The following AMZ1 variants were observed in gnomAD, a reference collection of about 807,000 sequenced individuals.
AMZ1 encodes the protein archaelysin family metallopeptidase 1, also known as archaemetzincin-1.
Under a neutral mutation model 29.9 loss-of-function variants are expected in AMZ1, and 39 were observed. The observed-to-expected ratio is 1.30, with a 90% CI of 1.01 to 1.70. The LOEUF (loss-of-function observed/expected upper bound fraction) is 1.70, where lower values mean the gene tolerates loss of function less well. Ranked by LOEUF, AMZ1 falls within the 40% of genes most tolerant of loss-of-function variation. AMZ1 has a pLI of 0.00. For missense variants in AMZ1, 1,041 were observed against 680.6 expected (o/e 1.53, Z -5.89); for synonymous variants, 458 against 304.0 (o/e 1.51, Z -5.27).
Position 2,743,609 on chromosome 7 carries a change from G to A in AMZ1, n.551-21103G>A, listed in dbSNP as rs150375507. 9.4e-3 allele frequency among the ~76,000 whole-genome samples: 1,427 copies of A among 152,308 alleles called. 13 individuals are homozygous for A. Among genetic ancestry groups the A allele is most frequent in the Middle Eastern group, 0.071 (21 of 294 alleles). Reference sequence around the variant, plus strand: ...CTCCGGTCTACAGCTCCCAGCGTGAGCAATGCAGAAGACGGGTGATTTCTG... The same window carrying A: ...CTCCGGTCTACAGCTCCCAGCGTGAACAATGCAGAAGACGGGTGATTTCTG... On this transcript the variant is annotated intron_variant and non_coding_transcript_variant, in intron 4 of 4. Coordinates refer to the AMZ1 transcript ENST00000489665.
intron 4 of AMZ1, among the ~76,000 whole-genome samples, chr7:2,724,926 C>T (rs1284411973): frequency 6.6e-6 from 1 of 152,228 alleles, no homozygotes; most frequent in Admixed American, 6.5e-5. Context: ...TCCGCCAGGA[C>T]AGAGAAGCCG....
chr7:2,736,995 G>A (rs1790215361), intron 4 of AMZ1, among the ~76,000 whole-genome samples: 2 of 152,304 alleles, frequency 1.3e-5, no homozygotes, highest in South Asian at 4.1e-4. Flanking sequence ...GCTCCTAATT[G>A]GAGCCTTTCT....
chr7:2,738,559 G>A (rs1044710885), intron 4 of AMZ1, among the ~76,000 whole-genome samples: 1 of 152,026 alleles, frequency 6.6e-6, no homozygotes, highest in Non-Finnish European at 1.5e-5. Flanking sequence ...CCCATATTCT[G>A]CTTGCTTATA....
At position 2,700,771 on chromosome 7, in the gene AMZ1, A is replaced by G. The variant is rs1283537438; in HGVS notation, c.304+16A>G. On this transcript the variant is annotated intron_variant, in intron 2 of 6. Transcript: ENST00000683327. ...CAGCCGATAGGTACGGGACGCCTGCAGCCATCGGCACGCTCCTGGGGGACC... is the reference window on the plus strand; with the variant it reads ...CAGCCGATAGGTACGGGACGCCTGCGGCCATCGGCACGCTCCTGGGGGACC... The G allele has an allele frequency of 1.1e-5, 18 of 1,607,384 alleles. No homozygotes were observed. Among genetic ancestry groups the G allele is most frequent in the Non-Finnish European group, 1.5e-5 (18 of 1,176,830 alleles).
chr7:2,680,736 C>G (rs1007456959), intron 1 of AMZ1, among the ~76,000 whole-genome samples: 10 of 152,380 alleles, frequency 6.6e-5, no homozygotes, highest in Admixed American at 6.5e-4. Flanking sequence ...TGGGGCCCCT[C>G]ACGTGCCTCA....
chr7:2,686,133 G>T (rs868333961), upstream of AMZ1, among the ~76,000 whole-genome samples: 5 of 152,224 alleles, frequency 3.3e-5, no homozygotes, highest in African/African-American at 1.2e-4. Context: ...TCCATGACAC[G>T]GAGTCCAGCG....
chr7:2,711,331 A>C (rs765033040), intron 6 of AMZ1, among the ~76,000 whole-genome samples: 1 of 152,204 alleles, frequency 6.6e-6, no homozygotes, highest in African/African-American at 2.4e-5. Flanking sequence ...ACTGACAGCA[A>C]TCAGTGAAAT....
intron 3 of AMZ1, among the ~76,000 whole-genome samples, chr7:2,704,588 CTTTTT>C (rs60811216): frequency 0.025 from 2,069 of 83,760 alleles, 108 homozygotes; most frequent in African/African-American, 0.15. Flanking sequence ...CAGTGTCACG[CTTTTT>C]TTTTTTTTTT....
intron 1 of AMZ1, among the ~76,000 whole-genome samples, chr7:2,681,406 C>T (rs563424598): frequency 6.6e-6 from 1 of 152,246 alleles, no homozygotes; most frequent in African/African-American, 2.4e-5. Context: ...CAGGTGCATG[C>T]CACCACGCCC....
At chr7:2,725,919 G>GCTGCAGTCCCCCCA (rs1240953638) in intron 4 of AMZ1, among the ~76,000 whole-genome samples, 1 of 134,620 alleles carries the variant, frequency 7.4e-6, no homozygotes, top group East Asian at 2.0e-4. Context: ...CAGCCCGCCC[G>GCTGCAGTCCCCCCA]CTGCAGTCCC....
At chr7:2,709,891 C>A in intron 6 of AMZ1, 75 bp downstream of exon 6, 2 of 1,567,324 alleles carry the variant, frequency 1.3e-6, no homozygotes, top group Non-Finnish European at 1.7e-6. Context: ...CTGGAGGCTA[C>A]GCAGGGCATG....
intron 6 of AMZ1, among the ~76,000 whole-genome samples, chr7:2,710,531 C>A (rs759712550): frequency 6.6e-6 from 1 of 152,198 alleles, no homozygotes; most frequent in Admixed American, 6.5e-5. Context: ...GTTCCCGGAC[C>A]GAGCCTGTCA....
intron 1 of AMZ1, among the ~76,000 whole-genome samples, chr7:2,690,362 G>C (rs1787315508): frequency 1.3e-5 from 2 of 152,172 alleles, no homozygotes; most frequent in Admixed American, 6.5e-5. Context: ...GGGACCACAG[G>C]CATGCACAAC....
intron 4 of AMZ1, chr7:2,728,922 G>C (rs1008123341): frequency 6.6e-6 from 1 of 152,426 alleles, no homozygotes; most frequent in Admixed American, 6.5e-5. Flanking sequence ...AGCGGGTCAA[G>C]AGCCCGCGCC....
At position 2,680,588 on chromosome 7, in the gene AMZ1, C is replaced by T. The variant is rs563236499; in HGVS notation, c.-219+917C>T. Among the ~76,000 whole-genome samples the T allele has an allele frequency of 2.0e-4, 31 of 152,358 alleles. 1 individual carries two copies. Among genetic ancestry groups the T allele is most frequent in the African/African-American group, 6.7e-4 (28 of 41,594 alleles). On this transcript the variant is annotated intron_variant, in intron 1 of 6. Transcript: ENST00000312371. Reference sequence around the variant, plus strand: ...GGAGTAGGGGCTCCGTCCTCATTTTCACCCCCGACCCCAGCTCCGACTATG... The same window carrying T: ...GGAGTAGGGGCTCCGTCCTCATTTTTACCCCCGACCCCAGCTCCGACTATG...
chr7:2,758,798 A>C (rs1791420357), intron 4 of AMZ1, among the ~76,000 whole-genome samples: 1 of 152,200 alleles, frequency 6.6e-6, no homozygotes, highest in African/African-American at 2.4e-5. Flanking sequence ...TACTCATCTA[A>C]TAGAACACCA....
intron 4 of AMZ1, among the ~76,000 whole-genome samples, chr7:2,750,759 G>A (rs1790994393): frequency 6.6e-6 from 1 of 152,160 alleles, no homozygotes; most frequent in Non-Finnish European, 1.5e-5. Flanking sequence ...GGGGACTATC[G>A]GACAGGCATG....
chr7:2,728,750 A>G (rs1370356446), intron 4 of AMZ1: 1 of 152,468 alleles, frequency 6.6e-6, no homozygotes, highest in South Asian at 2.1e-4. Context: ...ATGACAGTTT[A>G]GCCTTGCAGA....
upstream of AMZ1, among the ~76,000 whole-genome samples, chr7:2,687,796 C>G (rs1005902045): frequency 2.0e-5 from 3 of 152,028 alleles, no homozygotes; most frequent in African/African-American, 7.2e-5. Flanking sequence ...TGGTTCACCC[C>G]TCTCACCTGG....
Sources: allele counts gnomAD v4.1 joint callset (sites outside exome capture counted in the v4.1 genomes callset), GRCh38; gene constraint gnomAD v4.1.1; transcripts MANE v1.5; gene names NCBI Gene and HGNC (gene_info 2026-07-23, HGNC 2026-07-21).